Variants in PCCA observed in about 807,000 individuals in gnomAD.
PCCA encodes the protein propionyl-CoA carboxylase subunit alpha, also known as propionyl-CoA carboxylase alpha chain, mitochondrial.
PCCA carries 74 observed loss-of-function variants against 101.3 expected under a neutral mutation model. That is an observed-to-expected ratio of 0.73 (90% CI 0.61 to 0.89). The LOEUF (loss-of-function observed/expected upper bound fraction) is 0.89. Ranked by LOEUF, PCCA falls within the 40% of genes least tolerant of loss-of-function variation. The pLI, the probability that PCCA is intolerant of heterozygous loss-of-function variation, is 0.00. For synonymous variants in PCCA, 294 were observed against 313.6 expected, an observed-to-expected ratio of 0.94 and a Z score of 0.66; for missense variants, 891 against 907.0, an observed-to-expected ratio of 0.98 and a Z score of 0.23.
At chr13:100,198,657 C>A (rs916834804) in intron 6 of PCCA, among the ~76,000 whole-genome samples, 9 of 152,062 alleles carry the variant, frequency 5.9e-5, no homozygotes, top group African/African-American at 2.2e-4. Context: ...CACCACCATG[C>A]CTGGCTATTT....
intron 13 of PCCA, among the ~76,000 whole-genome samples, chr13:100,302,158 CAT>C (rs1347677609): frequency 2.0e-5 from 3 of 152,014 alleles, no homozygotes; most frequent in Non-Finnish European, 4.4e-5. Flanking sequence ...GGGTTTTACT[CAT>C]AAACTCTCAG....
At chr13:100,127,673 A>G (rs944050917) in intron 4 of PCCA, among the ~76,000 whole-genome samples, 13 of 151,872 alleles carry the variant, frequency 8.6e-5, no homozygotes, top group African/African-American at 3.1e-4. Flanking sequence ...CAGGCGGATC[A>G]TGAGGTCAGG....
chr13:100,157,039 G>C (rs1477183773), intron 5 of PCCA, among the ~76,000 whole-genome samples: 1 of 152,210 alleles, frequency 6.6e-6, no homozygotes, highest in African/African-American at 2.4e-5. Flanking sequence ...TTAGGACAAA[G>C]GTAGTGTGTG....
intron 21 of PCCA, among the ~76,000 whole-genome samples, chr13:100,466,969 G>A (rs972793087): frequency 1.3e-5 from 2 of 152,296 alleles, no homozygotes; most frequent in East Asian, 3.9e-4. Context: ...TGTAAAGTAG[G>A]TTGGCCGGGG....
chr13:100,090,697 A>G (rs1353942941), intron 1 of PCCA, among the ~76,000 whole-genome samples: 1 of 152,152 alleles, frequency 6.6e-6, no homozygotes, highest in Non-Finnish European at 1.5e-5. Flanking sequence ...GAGGGATTTG[A>G]CCAAGCCAAG....
intron 16 of PCCA, among the ~76,000 whole-genome samples, chr13:100,315,170 T>C (rs979835355): frequency 1.9e-4 from 29 of 152,170 alleles, no homozygotes; most frequent in Non-Finnish European, 1.5e-5. Flanking sequence ...AGAACCTCCA[T>C]ATATAGTAAT....
At chr13:100,492,517 G>A (rs1478856424) in intron 21 of PCCA, among the ~76,000 whole-genome samples, 2 of 151,794 alleles carry the variant, frequency 1.3e-5, no homozygotes, top group Admixed American at 1.3e-4. Flanking sequence ...GAATGAATTG[G>A]CCCCAGAGTC....
chr13:100,306,708 A>G (rs2066481635), intron 14 of PCCA, among the ~76,000 whole-genome samples: 1 of 152,190 alleles, frequency 6.6e-6, no homozygotes, highest in South Asian at 2.1e-4. Flanking sequence ...GAGCAACAGT[A>G]ACAGAAAAAT....
chr13:100,440,159 TATATATATATATATATATATATATA>T (rs2080243875), intron 20 of PCCA, among the ~76,000 whole-genome samples: 1 of 1,536 alleles, frequency 6.5e-4, no homozygotes, highest in Non-Finnish European at 1.4e-3. Context: ...TATTAAATTA[TATATATATATATATATATATATATA>T]TATATATATA....
chr13:100,258,713 G>A (rs1472994816), intron 9 of PCCA, among the ~76,000 whole-genome samples: 1 of 152,090 alleles, frequency 6.6e-6, no homozygotes, highest in African/African-American at 2.4e-5. Context: ...TTAATTTACA[G>A]CTTAATATTT....
chr13:100,400,621 TTTTTAGTTC>T (rs1303070745), intron 19 of PCCA, among the ~76,000 whole-genome samples: 15 of 99,884 alleles, frequency 1.5e-4, no homozygotes, highest in African/African-American at 3.9e-4. Context: ...ATCTTAGTTC[TTTTTAGTTC>T]TTTTTTTTTT....
At chr13:100,491,694 G>T in intron 21 of PCCA, 1 of 1,303,782 alleles carries the variant, frequency 7.7e-7, no homozygotes, top group South Asian at 1.2e-5. Context: ...CTTGGCAGAA[G>T]GTGCTGCGGC....
chr13:100,189,422 T>A (rs1330112664), intron 6 of PCCA, among the ~76,000 whole-genome samples: 1 of 152,238 alleles, frequency 6.6e-6, no homozygotes, highest in East Asian at 1.9e-4. Flanking sequence ...AATTGCTGCT[T>A]AGCCTACTTT....
intron 2 of PCCA, among the ~76,000 whole-genome samples, chr13:100,110,871 G>A (rs906042414): frequency 5.9e-5 from 9 of 152,034 alleles, no homozygotes; most frequent in African/African-American, 1.7e-4. Flanking sequence ...GCAGTGGCAC[G>A]ATTTTAGCTC....
Position 100,129,699 on chromosome 13 carries a change from C to T in PCCA, c.300+17638C>T, listed in dbSNP as rs114264655. On this transcript the variant is annotated intron_variant, in intron 4 of 23. Coordinates refer to ENST00000376285, the MANE Select transcript of PCCA (RefSeq NM_000282.4). Reference sequence around the variant, plus strand: ...AAGCTGTGGTTCTGCCTCCCTAGGTCCACAGTCTCCAGGAGTTGTAGTGAG... The same window carrying T: ...AAGCTGTGGTTCTGCCTCCCTAGGTTCACAGTCTCCAGGAGTTGTAGTGAG... Among the ~76,000 whole-genome samples, 1,516 of 152,318 alleles carry T rather than the reference C, an allele frequency of 1.0e-2. 24 individuals carry two copies. The highest frequency in any genetic ancestry group is 0.034 in the African/African-American group (1,429 of 41,574).
chr13:100,425,658 A>G lies in PCCA; in HGVS notation c.1772A>G (p.Asn591Ser), dbSNP rs1179101721. ...FSVEVDGSKL[N>S]VTSTWNLASP... ...GTGGAAGTTGATGGGTCGAAACTAA[A>G]TGTGACCAGCACGTGGAACCTGGCT... Residue 591 changes from asparagine to serine, a missense_variant, in exon 20 of 24, where the codon AAT (asparagine) becomes AGT (serine). Coordinates refer to ENST00000376285, the MANE Select transcript of PCCA (RefSeq NM_000282.4). 15 of 1,614,038 alleles carry G rather than the reference A, an allele frequency of 9.3e-6. No individual in the cohort carries two copies. The highest frequency in any genetic ancestry group is 1.3e-5 in the Non-Finnish European group (15 of 1,179,860).
chr13:100,395,135 C>T (rs2076984039), intron 19 of PCCA, among the ~76,000 whole-genome samples: 1 of 152,166 alleles, frequency 6.6e-6, no homozygotes, highest in Admixed American at 6.5e-5. Flanking sequence ...TTATTCTTTG[C>T]CTTTAAGGAA....
At chr13:100,409,824 A>G (rs1472400467) in intron 19 of PCCA, among the ~76,000 whole-genome samples, 1 of 151,918 alleles carries the variant, frequency 6.6e-6, no homozygotes, top group Non-Finnish European at 1.5e-5. Flanking sequence ...ATGGAGTGCA[A>G]TGACATGATC....
intron 16 of PCCA, among the ~76,000 whole-genome samples, chr13:100,315,191 A>AT (rs926801598): frequency 6.6e-6 from 1 of 152,196 alleles, no homozygotes; most frequent in Non-Finnish European, 1.5e-5. Context: ...TCTGCTTACT[A>AT]TTTTTTTGAA....
Sources: gnomAD v4.1 joint callset for allele counts (sites outside exome capture counted in the v4.1 genomes callset) on GRCh38, gnomAD v4.1.1 for gene constraint, MANE v1.5 for transcripts, NCBI Gene and HGNC (gene_info 2026-07-23, HGNC 2026-07-21) for gene names.